Variants in ANK2 observed in about 807,000 individuals in gnomAD.
ANK2 encodes ankyrin-2.
ANK2 carries 83 observed loss-of-function variants against 360.5 expected under a neutral mutation model. The ratio of observed to expected loss-of-function variants is 0.23; its 90% CI spans 0.19 to 0.28. The LOEUF (loss-of-function observed/expected upper bound fraction) is 0.28. Ranked by LOEUF, ANK2 falls within the 10% of genes least tolerant of loss-of-function variation. ANK2 has a pLI of 1.00. For missense variants in ANK2, 4,201 were observed against 4,795.7 expected (o/e 0.88, Z 3.66); for synonymous variants, 1,740 against 1,759.5 (o/e 0.99, Z 0.28).
rs1383161014 is a variant in ANK2 at position 113,274,632 on chromosome 4, C to T, written c.1666C>T (p.His556Tyr). ...ASVLLEAGAA[H>Y]SLATKKGFTP... ...AGTCCTATTGGAAGCAGGAGCAGCC[C>T]ACTCCTTAGCTACCAAGGTAAGGAG... The change falls in exon 15 of 46, where the codon CAC (histidine) becomes TAC (tyrosine). Residue 556 changes from histidine (H) to tyrosine (Y), a missense_variant. This residue lies in a region of ANK2 where 1,268 missense variants were observed against 1,650.8 expected (regional missense o/e 0.77). Transcript: ENST00000357077. 6.2e-7 allele frequency: 1 copy of T among 1,614,178 alleles called. No homozygotes were observed. The highest frequency in any genetic ancestry group is 8.5e-7 in the Non-Finnish European group (1 of 1,180,042).
intron 26 of ANK2, among the ~76,000 whole-genome samples, chr4:113,319,352 T>G (rs2084718984): frequency 6.6e-6 from 1 of 151,688 alleles, no homozygotes; most frequent in Non-Finnish European, 1.5e-5. Flanking sequence ...ATTTCTTCCT[T>G]ACATATTAGT....
At chr4:112,836,863 T>C (rs1409921539) in intron 1 of ANK2, among the ~76,000 whole-genome samples, 1 of 152,198 alleles carries the variant, frequency 6.6e-6, no homozygotes, top group Admixed American at 6.5e-5. Flanking sequence ...TTGGAACTTA[T>C]GTTTAAAAGG....
the ANK2 span, among the ~76,000 whole-genome samples, chr4:112,776,063 T>A: frequency 2.4e-4 from 37 of 152,058 alleles, no homozygotes; most frequent in African/African-American, 8.7e-4. Context: ...GAACGTGTAG[T>A]GAGAGAAGAG....
intron 1 of ANK2, among the ~76,000 whole-genome samples, chr4:113,119,761 C>A (rs1456149707): frequency 6.6e-6 from 1 of 151,918 alleles, no homozygotes; most frequent in Non-Finnish European, 1.5e-5. Context: ...AATTATGGGG[C>A]TTGAAAGAAA....
intron 1 of ANK2, among the ~76,000 whole-genome samples, chr4:113,067,553 G>A (rs1438270133): frequency 2.0e-5 from 3 of 152,192 alleles, no homozygotes; most frequent in Admixed American, 6.5e-5. Context: ...AGAGTTTTAG[G>A]AACCATCAGC....
At chr4:112,887,258 C>T (rs1271060212) in intron 1 of ANK2, among the ~76,000 whole-genome samples, 1 of 152,190 alleles carries the variant, frequency 6.6e-6, no homozygotes, top group African/African-American at 2.4e-5. Context: ...CTTTGACTTA[C>T]AATTTTTCAA....
At chr4:113,280,056 T>C (rs958361849) in intron 17 of ANK2, among the ~76,000 whole-genome samples, 14 of 152,158 alleles carry the variant, frequency 9.2e-5, no homozygotes, top group African/African-American at 3.4e-4. Context: ...ATATACCTGC[T>C]CACTTAACAT....
At chr4:113,066,207 A>G (rs1229221591) in intron 1 of ANK2, among the ~76,000 whole-genome samples, 1 of 152,136 alleles carries the variant, frequency 6.6e-6, no homozygotes, top group Non-Finnish European at 1.5e-5. Flanking sequence ...CACAAAACAC[A>G]CAGGCGTGCA....
At chr4:112,805,924 T>G in the ANK2 span, among the ~76,000 whole-genome samples, 1 of 152,202 alleles carries the variant, frequency 6.6e-6, no homozygotes, top group Non-Finnish European at 1.5e-5. Flanking sequence ...CCTTTAATTA[T>G]TATGAGTACA....
At chr4:113,288,529 G>A (rs779695464) in intron 20 of ANK2, 43 bp downstream of exon 20, 14 of 1,547,966 alleles carry the variant, frequency 9.0e-6, no homozygotes, top group Admixed American at 3.3e-5. Context: ...AAGCAAAAAG[G>A]TTCAGCCATC....
intron 4 of ANK2, among the ~76,000 whole-genome samples, chr4:113,200,727 A>T (rs1042760779): frequency 6.6e-6 from 1 of 152,184 alleles, no homozygotes; most frequent in African/African-American, 2.4e-5. Context: ...CCCGTCAACC[A>T]TTGATGAACA....
At chr4:113,189,853 G>A (rs1213264083) in intron 2 of ANK2, among the ~76,000 whole-genome samples, 4 of 152,128 alleles carry the variant, frequency 2.6e-5, no homozygotes, top group African/African-American at 9.7e-5. Context: ...TAAATTCTAT[G>A]TCAGTAGGAG....
intron 1 of ANK2, among the ~76,000 whole-genome samples, chr4:112,872,340 ATT>A (rs112456773): frequency 4.3e-5 from 6 of 138,742 alleles, no homozygotes; most frequent in Non-Finnish European, 3.2e-5. Context: ...TTGCATCTGT[ATT>A]TTTTTTTTTT....
At chr4:113,378,254 G>A in intron 45 of ANK2, 3 of 610,542 alleles carry the variant, frequency 4.9e-6, no homozygotes, top group South Asian at 1.7e-5. Context: ...GAAAAGAAGG[G>A]GAGAATCCCT....
At chr4:113,360,757 A>G (rs2096158763) in intron 38 of ANK2, 66 bp from the exon 39 acceptor site, 2 of 1,378,886 alleles carry the variant, frequency 1.5e-6, no homozygotes, top group Non-Finnish European at 2.0e-6. Flanking sequence ...CTTTGAATGA[A>G]TCAGTACTGT....
intron 1 of ANK2, among the ~76,000 whole-genome samples, chr4:112,903,194 A>G (rs906041721): frequency 1.3e-5 from 2 of 152,224 alleles, no homozygotes; most frequent in Admixed American, 6.5e-5. Flanking sequence ...GGGGAGCCCA[A>G]TAATTTGCGT....
At chr4:112,956,791 G>A (rs988216615) in intron 2 of ANK2, among the ~76,000 whole-genome samples, 1 of 152,148 alleles carries the variant, frequency 6.6e-6, no homozygotes, top group African/African-American at 2.4e-5. Flanking sequence ...CGTTAGAAAT[G>A]ATCCCTAAGT....
chr4:113,295,309 A>G (rs1480475369), intron 22 of ANK2, among the ~76,000 whole-genome samples: 7 of 152,228 alleles, frequency 4.6e-5, no homozygotes, highest in African/African-American at 1.7e-4. Context: ...AAGAAAATAC[A>G]TTCATATTTT....
intron 2 of ANK2, among the ~76,000 whole-genome samples, chr4:112,957,686 C>CG (rs1336912522): frequency 3.8e-5 from 5 of 132,368 alleles, no homozygotes; most frequent in Middle Eastern, 3.8e-3. Context: ...GCTGGCTGGG[C>CG]GGGGGGCTGA....
Sources: gnomAD v4.1 joint callset for allele counts (sites outside exome capture counted in the v4.1 genomes callset) on GRCh38, gnomAD v4.1.1 for gene constraint, gnomAD v4.1.1 regional missense constraint, MANE v1.5 for transcripts, NCBI Gene and HGNC (gene_info 2026-07-23, HGNC 2026-07-21) for gene names.